Variants in KDM3A observed in about 807,000 individuals in gnomAD.
KDM3A encodes lysine-specific demethylase 3A.
A neutral mutation model predicts 158.0 loss-of-function variants in KDM3A; 60 were observed. The ratio of observed to expected loss-of-function variants is 0.38; its 90% CI spans 0.31 to 0.47. The LOEUF is 0.47. KDM3A is among the 20% of genes least tolerant of loss of function. KDM3A has a pLI of 0.99. For missense variants in KDM3A, 1,319 were observed against 1,574.3 expected (o/e 0.84, Z 2.74); for synonymous variants, 608 against 549.3 (o/e 1.11, Z -1.49).
intron 21 of KDM3A, 184 bp from the exon 22 acceptor site, chr2:86,489,134 G>GTAA: frequency 1.6e-6 from 1 of 634,358 alleles, no homozygotes; most frequent in Non-Finnish European, 2.6e-6. Flanking sequence ...TGGCTTCTGA[G>GTAA]TATTCCTTCT....
chr2:86,437,559 G>T (rs1057226539), upstream of KDM3A, among the ~76,000 whole-genome samples: 1 of 152,128 alleles, frequency 6.6e-6, no homozygotes. Context: ...CACTGGGTCT[G>T]TTTCTTTGTT....
chr2:86,471,874 A>G (rs1673429885), intron 11 of KDM3A, among the ~76,000 whole-genome samples: 1 of 152,208 alleles, frequency 6.6e-6, no homozygotes, highest in Admixed American at 6.5e-5. Context: ...GGCCCAGAAT[A>G]AGCTGTTAGT....
At chr2:86,440,751 C>A (rs1355328250), upstream of KDM3A, 1 of 152,246 alleles carries the variant, frequency 6.6e-6, no homozygotes, top group African/African-American at 2.4e-5. Context: ...GCAGCCATTT[C>A]GCCCAGCAGC....
intron 8 of KDM3A, among the ~76,000 whole-genome samples, chr2:86,460,374 T>C (rs1216090107): frequency 6.6e-6 from 1 of 152,158 alleles, no homozygotes; most frequent in African/African-American, 2.4e-5. Context: ...TGGCCTGGCC[T>C]AGATTTCAGG....
At chr2:86,471,051 T>C (rs1013712906) in intron 11 of KDM3A, among the ~76,000 whole-genome samples, 2 of 152,120 alleles carry the variant, frequency 1.3e-5, no homozygotes, top group African/African-American at 4.8e-5. Flanking sequence ...TTTTAAGGCT[T>C]TGATACACCT....
At chr2:86,463,714 C>T (rs932834029) in intron 8 of KDM3A, among the ~76,000 whole-genome samples, 5 of 152,218 alleles carry the variant, frequency 3.3e-5, no homozygotes, top group Non-Finnish European at 7.3e-5. Context: ...AAGCTGCCAC[C>T]ATTTAAAACT....
intron 4 of KDM3A, among the ~76,000 whole-genome samples, chr2:86,454,668 C>A (rs1218889367): frequency 6.6e-6 from 1 of 151,992 alleles, no homozygotes; most frequent in Non-Finnish European, 1.5e-5. Flanking sequence ...ACATCTGTCT[C>A]TTGTGTGTCA....
intron 15 of KDM3A, 102 bp from the exon 16 acceptor site, chr2:86,480,065 G>C: frequency 2.2e-6 from 2 of 906,346 alleles, no homozygotes; most frequent in South Asian, 2.8e-5. Flanking sequence ...TTTTGTTCTG[G>C]ATATTTATCT....
intron 2 of KDM3A, among the ~76,000 whole-genome samples, chr2:86,443,935 C>T (rs148730527): frequency 1.3e-5 from 2 of 152,082 alleles, no homozygotes; most frequent in African/African-American, 2.4e-5. Flanking sequence ...AAAATTTTCT[C>T]TAGTGCATTT....
chr2:86,476,262 T>C (rs1673654119), intron 12 of KDM3A, among the ~76,000 whole-genome samples: 1 of 152,222 alleles, frequency 6.6e-6, no homozygotes, highest in Non-Finnish European at 1.5e-5. Context: ...TTTTTTGGAA[T>C]GTATTAGTGG....
chr2:86,489,653 T>C lies in KDM3A; in HGVS notation c.3567T>C (p.Leu1189=). ...ACACGGAGAAGATAAGGGAATTTCT[T>C]AAAAAGGTGTGCTGCTTATGGCATG... is the stretch of plus-strand genomic sequence containing the variant. ...AKDTEKIREF[L]KKVSEEQGQE... Residue 1189 remains leucine (L), a synonymous_variant, in exon 23 of 26, where the codon CTT becomes CTC. Transcript: ENST00000312912. 1 of 1,609,818 alleles carries C rather than the reference T, an allele frequency of 6.2e-7. No homozygotes were observed. The highest frequency in any genetic ancestry group is 8.5e-7 in the Non-Finnish European group (1 of 1,178,428).
chr2:86,450,254 C>G (rs1308160239), intron 3 of KDM3A, among the ~76,000 whole-genome samples: 1 of 152,146 alleles, frequency 6.6e-6, no homozygotes, highest in Admixed American at 6.5e-5. Context: ...GCAGTACTTT[C>G]AAAACATTTG....
At chr2:86,450,300 A>C (rs1672389061) in intron 3 of KDM3A, among the ~76,000 whole-genome samples, 1 of 152,226 alleles carries the variant, frequency 6.6e-6, no homozygotes, top group Admixed American at 6.5e-5. Context: ...TGGAGAATAC[A>C]TCTGAAAATC....
chr2:86,463,044 T>C (rs564174765), intron 8 of KDM3A, among the ~76,000 whole-genome samples: 1 of 152,276 alleles, frequency 6.6e-6, no homozygotes, highest in South Asian at 2.1e-4. Flanking sequence ...TGAACCAAGA[T>C]GGCGCTGCTG....
At chr2:86,470,122 G>A (rs2104672440) in intron 10 of KDM3A, 82 bp from the exon 11 acceptor site, 1 of 1,157,636 alleles carries the variant, frequency 8.6e-7, no homozygotes, top group East Asian at 2.4e-5. Flanking sequence ...GGAATATTGG[G>A]TTTTTGAATA....
rs1294813369 is a variant in KDM3A at position 86,491,006 on chromosome 2, T to C, written c.3699T>C (p.Ile1233=). 1 of 1,613,964 alleles carries C rather than the reference T, an allele frequency of 6.2e-7. No individual in the cohort carries two copies. Among genetic ancestry groups the C allele is most frequent in the Non-Finnish European group, 8.5e-7 (1 of 1,179,944 alleles). Residue 1233 remains isoleucine (I), a synonymous_variant, in exon 24 of 26, where the codon ATT becomes ATC. Coordinates refer to ENST00000312912, the MANE Select transcript of KDM3A (RefSeq NM_018433.6). The part of the protein sequence containing the change: ...HQEYGVQGWA[I]VQFLGDVVFI... ...AGTATGGAGTTCAAGGCTGGGCTAT[T>C]GTACAGTTTCTTGGGGATGTGGTGT...
intron 8 of KDM3A, among the ~76,000 whole-genome samples, chr2:86,461,349 T>G (rs1319792106): frequency 6.6e-6 from 1 of 152,190 alleles, no homozygotes; most frequent in East Asian, 1.9e-4. Flanking sequence ...ATTTAGTGTA[T>G]GCTAGACTGA....
chr2:86,447,862 A>G (rs1289523055), intron 2 of KDM3A, among the ~76,000 whole-genome samples: 2 of 152,304 alleles, frequency 1.3e-5, no homozygotes, highest in African/African-American at 2.4e-5. Context: ...CTTATACCAC[A>G]TTGCTGATAA....
intron 10 of KDM3A, among the ~76,000 whole-genome samples, chr2:86,469,856 C>T (rs1484034778): frequency 6.6e-6 from 1 of 152,146 alleles, no homozygotes; most frequent in Non-Finnish European, 1.5e-5. Context: ...AAGTGAGCCT[C>T]GAGATCGAGT....
Sources: allele counts gnomAD v4.1 joint callset (sites outside exome capture counted in the v4.1 genomes callset), GRCh38; gene constraint gnomAD v4.1.1; transcripts MANE v1.5; gene names NCBI Gene and HGNC (gene_info 2026-07-23, HGNC 2026-07-21).